HHLA1: variants seen among roughly 807,000 people sequenced by gnomAD.
HHLA1 encodes the protein HERV-H LTR-associating protein 1.
In HHLA1, 72 loss-of-function variants were observed where a neutral mutation model predicts 69.9. The observed-to-expected ratio is 1.03, with a 90% CI of 0.85 to 1.25. The LOEUF (loss-of-function observed/expected upper bound fraction) is 1.25, where lower values mean the gene tolerates loss of function less well. Ranked by LOEUF, HHLA1 falls within the 50% of genes most tolerant of loss-of-function variation. The probability of loss-of-function intolerance (pLI) is 0.00; values close to 1 mark genes in which losing one functional copy is unlikely to be tolerated. For missense variants in HHLA1, 685 were observed against 642.2 expected, an observed-to-expected ratio of 1.07 and a Z score of -0.72; for synonymous variants, 252 against 233.2, an observed-to-expected ratio of 1.08 and a Z score of -0.73.
chr8:132,088,017 G>T, intron 8 of HHLA1, 116 bp from the exon 9 acceptor site: 2 of 776,674 alleles, frequency 2.6e-6, no homozygotes, highest in Non-Finnish European at 4.3e-6. Context: ...AGGAAAATAA[G>T]CCTGACTCTT....
chr8:132,109,204 A>C (rs956486371), intron 1 of HHLA1, among the ~76,000 whole-genome samples: 1 of 152,096 alleles, frequency 6.6e-6, no homozygotes, highest in Non-Finnish European at 1.5e-5. Context: ...GCAGGGTTTC[A>C]CCATCTTGGC....
intron 10 of HHLA1, among the ~76,000 whole-genome samples, chr8:132,082,686 G>T (rs1211578565): frequency 6.6e-6 from 1 of 152,084 alleles, no homozygotes; most frequent in Non-Finnish European, 1.5e-5. Flanking sequence ...GCTGGGACGA[G>T]GGGTGCAGGG....
chr8:132,093,037 T>G, intron 7 of HHLA1, among the ~76,000 whole-genome samples: 1 of 152,336 alleles, frequency 6.6e-6, no homozygotes, highest in Admixed American at 6.5e-5. Flanking sequence ...AGTCATTTGT[T>G]ATAGTAGCCC....
chr8:132,072,905 T>TA (rs528446445), intron 14 of HHLA1, among the ~76,000 whole-genome samples: 4,103 of 142,666 alleles, frequency 0.029, 164 homozygotes, highest in African/African-American at 0.093. Flanking sequence ...TTTTGTCCAG[T>TA]AAAAAAAAAA....
At position 132,087,703 on chromosome 8, in the gene HHLA1, T is replaced by A; in HGVS notation, c.626A>T (p.Lys209Ile). The change falls in exon 10 of 17, where the codon AAA becomes ATA. Residue 209 changes from lysine (K) to isoleucine (I), a missense_variant. Lys to Ile is a moderately radical substitution (Grantham distance 102). Transcript: ENST00000414222. ...AAATGTGTAATTGATAATGGGATAT[T>A]TTTCTTCTATCTCCCAGAAGTCAGA... The part of the protein sequence containing the change: ...NLSDFWEIEE[K>I]YPIINYTFTS... 6.4e-7 allele frequency: 1 copy of A among 1,551,502 alleles called. No individual in the cohort carries two copies.
intron 5 of HHLA1, among the ~76,000 whole-genome samples, chr8:132,098,415 C>T (rs1336553604): frequency 2.6e-5 from 4 of 152,050 alleles, no homozygotes; most frequent in African/African-American, 9.7e-5. Flanking sequence ...TCTTGTAAAC[C>T]TTCTACGTCA....
rs542396760 is a variant in HHLA1 at position 132,085,203 on chromosome 8, G to A, written c.676+2450C>T. ...TCCCTGCAATGATTAAACACCAAGG[G>A]AAGGCTGCCTTCCCAGTCCGTGACC... is the stretch of plus-strand genomic sequence containing the variant. On this transcript the variant is annotated intron_variant, in intron 10 of 16. Transcript: ENST00000414222. Among the ~76,000 whole-genome samples, 7 of 152,312 alleles carry A rather than the reference G, an allele frequency of 4.6e-5. No homozygotes were observed. In the East Asian group the frequency reaches 9.7e-4, roughly 21 times the overall value.
In HHLA1 at chr8:132,095,680, A is replaced by G. The variant is rs553279018; in HGVS notation, c.364+23T>C. 4 of 1,547,274 alleles carry G rather than the reference A, an allele frequency of 2.6e-6. No homozygotes were observed. The South Asian group carries it at 4.8e-5, about 18-fold the overall frequency. Reference sequence around the variant, plus strand: ...ACACATCCCTACCACCACCACCATCAAGAAGAGCCAGCCAGCACTCACTGT... The same window carrying G: ...ACACATCCCTACCACCACCACCATCGAGAAGAGCCAGCCAGCACTCACTGT... On this transcript the variant is annotated intron_variant, in intron 6 of 16. Coordinates refer to ENST00000414222, the MANE Select transcript of HHLA1 (RefSeq NM_001145095.3).
At chr8:132,100,750 C>T (rs1824098978) in intron 3 of HHLA1, among the ~76,000 whole-genome samples, 1 of 152,174 alleles carries the variant, frequency 6.6e-6, no homozygotes, top group African/African-American at 2.4e-5. Flanking sequence ...AGGAGACTCA[C>T]ATGTCGTGAC....
At chr8:132,097,873 C>T (rs905434457) in intron 5 of HHLA1, among the ~76,000 whole-genome samples, 8 of 152,180 alleles carry the variant, frequency 5.3e-5, no homozygotes, top group Non-Finnish European at 8.8e-5. Flanking sequence ...CCACCAAGCA[C>T]AGTTGTGCAG....
intron 2 of HHLA1, among the ~76,000 whole-genome samples, chr8:132,104,717 G>T (rs1432920516): frequency 6.6e-6 from 1 of 152,174 alleles, no homozygotes; most frequent in Non-Finnish European, 1.5e-5. Context: ...AGCAGGGATG[G>T]TGAGGGAGGC....
chr8:132,103,818 C>T (rs926893547), intron 3 of HHLA1, among the ~76,000 whole-genome samples: 2 of 152,042 alleles, frequency 1.3e-5, no homozygotes, highest in African/African-American at 4.8e-5. Flanking sequence ...GAAGGAAAGG[C>T]AAAGAAAGAT....
chr8:132,074,266 T>A (rs1823597606), intron 14 of HHLA1, among the ~76,000 whole-genome samples: 1 of 152,190 alleles, frequency 6.6e-6, no homozygotes, highest in Admixed American at 6.5e-5. Context: ...TCTTCCTCTC[T>A]GGATATACAT....
rs145978119 is a variant in HHLA1 at position 132,095,421 on chromosome 8, A to C, written c.448+98T>G. The C allele has an allele frequency of 4.9e-4, 361 of 740,076 alleles. 6 individuals carry two copies. The East Asian group carries it at 9.5e-3, about 20-fold the overall frequency. 45.8% of individuals were successfully genotyped at this position (740,076 alleles called of 1,614,324 possible). A position where few individuals can be genotyped will look rare whatever the true frequency, so the allele number is the denominator to read the frequency against. ...ATGGTTAAGGGTAGTGGATAGGACCATATTTTCCTGTCTTACATTGAGGAA... is the reference window on the plus strand; with the variant it reads ...ATGGTTAAGGGTAGTGGATAGGACCCTATTTTCCTGTCTTACATTGAGGAA... On this transcript the variant is annotated intron_variant, in intron 7 of 16. Transcript: ENST00000414222.
intron 15 of HHLA1, chr8:132,070,416 C>T (rs780184880): frequency 2.9e-6 from 2 of 701,174 alleles, no homozygotes; most frequent in African/African-American, 1.7e-5. Context: ...TAATTATTCT[C>T]TCCTAGCAAA....
At chr8:132,093,332 A>G (rs1325958158) in intron 7 of HHLA1, among the ~76,000 whole-genome samples, 2 of 152,202 alleles carry the variant, frequency 1.3e-5, no homozygotes, top group Non-Finnish European at 2.9e-5. Context: ...ATCACAGTAC[A>G]TTATTTTTAA....
intron 16 of HHLA1, among the ~76,000 whole-genome samples, chr8:132,065,167 T>C (rs1823412752): frequency 6.6e-6 from 1 of 152,210 alleles, no homozygotes; most frequent in Non-Finnish European, 1.5e-5. Flanking sequence ...AAATGAAGTT[T>C]TGAAGCTACC....
At chr8:132,082,864 A>T (rs1298818369) in intron 10 of HHLA1, among the ~76,000 whole-genome samples, 1 of 152,118 alleles carries the variant, frequency 6.6e-6, no homozygotes. Context: ...GTCTGGTTTT[A>T]GGACAGGTAA....
At chr8:132,077,589 A>C (rs1563742173) in intron 12 of HHLA1, 137 bp downstream of exon 12, 10 of 837,502 alleles carry the variant, frequency 1.2e-5, no homozygotes, top group Admixed American at 8.4e-5. Flanking sequence ...GAGAAGGAAG[A>C]GTTTGCTTCA....
Sources: allele counts gnomAD v4.1 joint callset (sites outside exome capture counted in the v4.1 genomes callset), GRCh38; gene constraint gnomAD v4.1.1; transcripts MANE v1.5; gene names NCBI Gene and HGNC (gene_info 2026-07-23, HGNC 2026-07-21).